The following LRRFIP1 variants were observed in gnomAD, a reference collection of about 807,000 sequenced individuals.
The protein encoded by LRRFIP1 is leucine-rich repeat flightless-interacting protein 1.
LRRFIP1 carries 62 observed loss-of-function variants against 104.4 expected under a neutral mutation model. The observed-to-expected ratio is 0.59, with a 90% CI of 0.48 to 0.73. The LOEUF is 0.73. Ranked by LOEUF, LRRFIP1 falls within the 30% of genes least tolerant of loss-of-function variation. The probability of loss-of-function intolerance (pLI) is 0.00; values close to 1 mark genes in which losing one functional copy is unlikely to be tolerated. For missense variants in LRRFIP1, 796 were observed against 824.5 expected (o/e 0.97, Z 0.42); for synonymous variants, 300 against 299.0 (o/e 1.00, Z -0.03).
At chr2:237,645,907 CG>C (rs1261874770) in intron 1 of LRRFIP1, among the ~76,000 whole-genome samples, 2 of 151,382 alleles carry the variant, frequency 1.3e-5, no homozygotes, top group Non-Finnish European at 2.9e-5. Context: ...TTCTAGGGAG[CG>C]CTGCAAATGG....
rs1160434431 is a variant in LRRFIP1, at chr2:237,749,239, C to A, written c.710C>A (p.Ala237Asp). The change falls in exon 13 of 24, where the codon GCC becomes GAC. Residue 237 changes from alanine to aspartate, a missense_variant. Transcript: ENST00000308482. ...CCGGGCCTGTCTGCAGCCACGCTGG[C>A]CTCTCTGGGTGGGACTTCCTCTCGG... is the stretch of plus-strand genomic sequence containing the variant. ...NMPGLSAATL[A>D]SLGGTSSRRG... 1 of 1,613,824 alleles carries A rather than the reference C, an allele frequency of 6.2e-7. No homozygotes were observed. Among genetic ancestry groups the A allele is most frequent in the African/African-American group, 1.3e-5 (1 of 74,892 alleles).
At chr2:237,655,662 G>A (rs1016339016) in intron 1 of LRRFIP1, among the ~76,000 whole-genome samples, 2 of 152,190 alleles carry the variant, frequency 1.3e-5, no homozygotes, top group Non-Finnish European at 1.5e-5. Flanking sequence ...TGCTCGTTTT[G>A]TGATTGGATA....
chr2:237,628,981 G>A lies in LRRFIP1; in HGVS notation c.96+1241G>A, dbSNP rs2081972795. Among the ~76,000 whole-genome samples, 4 of 152,186 alleles carry A rather than the reference G, an allele frequency of 2.6e-5. No homozygotes were observed. In the South Asian group the frequency reaches 8.3e-4, roughly 32 times the overall value. On this transcript the variant is annotated intron_variant, in intron 1 of 23. Transcript: ENST00000308482. ...ACTGTGACCTCCAGGAGACCTTCCAGACTCAGCCCTCTCACATCGCACCAG... is the reference window on the plus strand; with the variant it reads ...ACTGTGACCTCCAGGAGACCTTCCAAACTCAGCCCTCTCACATCGCACCAG...
At position 237,685,621 on chromosome 2, in the gene LRRFIP1, G is replaced by A. The variant is rs574871426; in HGVS notation, c.97-22923G>A. On this transcript the variant is annotated intron_variant, in intron 1 of 23. Transcript: ENST00000308482. Reference sequence around the variant, plus strand: ...CCTCATTCCCATGGAGCTCACAATCGGATCAAATCCTGAGTCAGTACAAGA... The same window carrying A: ...CCTCATTCCCATGGAGCTCACAATCAGATCAAATCCTGAGTCAGTACAAGA... Among the ~76,000 whole-genome samples, 6 of 151,996 alleles carry A rather than the reference G, an allele frequency of 3.9e-5. No homozygotes were observed. In the South Asian group the frequency reaches 8.3e-4, roughly 21 times the overall value.
intron 21 of LRRFIP1, 104 bp downstream of exon 21, chr2:237,772,302 C>A: frequency 1.2e-6 from 1 of 808,088 alleles, no homozygotes; most frequent in South Asian, 1.6e-5. Flanking sequence ...CCCTCATTCC[C>A]TCACATCCCC....
intron 2 of LRRFIP1, among the ~76,000 whole-genome samples, chr2:237,714,057 A>G (rs2094223243): frequency 6.6e-6 from 1 of 152,218 alleles, no homozygotes; most frequent in African/African-American, 2.4e-5. Context: ...TATTTCCCCA[A>G]TGTATCTAAA....
At position 237,735,644 on chromosome 2, in the gene LRRFIP1, A is replaced by C; in HGVS notation, c.555+311A>C. On this transcript the variant is annotated intron_variant, in intron 10 of 23. Coordinates refer to ENST00000308482, the MANE Select transcript of LRRFIP1 (RefSeq NM_001137550.2). This position sits in a 1 kb window ranked among gnomAD's most constrained non-coding sequence, Gnocchi z 4.6. ...CGTCTTCGGTTAATAAAAACGGGAA[A>C]AGGACAACTTGACAGACCACACATC... is the stretch of plus-strand genomic sequence containing the variant. 1 of 299,850 alleles carries C rather than the reference A, an allele frequency of 3.3e-6. No homozygotes were observed. The highest frequency in any genetic ancestry group is 6.2e-6 in the Non-Finnish European group (1 of 160,704). 18.6% of individuals were successfully genotyped at this position (299,850 alleles called of 1,614,324 possible). A position where few individuals can be genotyped will look rare whatever the true frequency, so the allele number is the denominator to read the frequency against.
intron 7 of LRRFIP1, among the ~76,000 whole-genome samples, chr2:237,726,564 G>T (rs2094759006): frequency 6.6e-6 from 1 of 152,186 alleles, no homozygotes; most frequent in African/African-American, 2.4e-5. Context: ...CGATGGCTTT[G>T]TAATGTATTT....
At chr2:237,677,556 T>A (rs962741036) in intron 1 of LRRFIP1, among the ~76,000 whole-genome samples, 12 of 152,052 alleles carry the variant, frequency 7.9e-5, no homozygotes, top group Non-Finnish European at 1.5e-4. Context: ...CTTTGAGAGG[T>A]CAAGGCAGGA....
intron 10 of LRRFIP1, 81 bp from the exon 11 acceptor site, chr2:237,739,151 C>T (rs983882032): frequency 3.8e-5 from 47 of 1,249,728 alleles, no homozygotes; most frequent in Admixed American, 3.0e-4. Context: ...TGTTTTCTGT[C>T]GGCCTCTATT....
rs2059702530 is a variant in LRRFIP1 at position 237,760,095 on chromosome 2, C to T, written c.1349C>T (p.Ala450Val). ...KHGIILNSEI[A>V]TNGETSDTLN... ...GGAATAATCCTAAATTCAGAAATAG[C>T]TACCAATGGAGAGACTTCCGACACC... The change falls in exon 19 of 24, where the codon GCT becomes GTT. Residue 450 changes from alanine (A) to valine (V), a missense_variant. Ala to Val is a moderately conservative substitution (Grantham distance 64). Transcript: ENST00000308482. 1.2e-6 allele frequency: 2 copies of T among 1,613,726 alleles called. No individual in the cohort carries two copies. Among genetic ancestry groups the T allele is most frequent in the South Asian group, 1.1e-5 (1 of 91,076 alleles).
At chr2:237,705,498 CA>C (rs540196716) in intron 1 of LRRFIP1, among the ~76,000 whole-genome samples, 174 of 151,838 alleles carry the variant, frequency 1.1e-3, no homozygotes, top group African/African-American at 4.1e-3. Context: ...CCTGTCTGTA[CA>C]AAAAAATACA....
chr2:237,751,266 A>G lies in LRRFIP1; in HGVS notation c.862A>G (p.Met288Val). The change falls in exon 14 of 24, where the codon ATG (methionine) becomes GTG (valine). Residue 288 changes from methionine (M) to valine (V), a missense_variant. Transcript: ENST00000308482. Reference sequence around the variant, plus strand: ...CAAATACATGCAGGGATTGAAAGAGATGAAGGTACCAATTCACAGACGTGT... The same window carrying G: ...CAAATACATGCAGGGATTGAAAGAGGTGAAGGTACCAATTCACAGACGTGT... ...EGKYMQGLKE[M>V]KDSLAEVEEK... 4.4e-6 allele frequency: 7 copies of G among 1,607,278 alleles called. No homozygotes were observed. Among genetic ancestry groups the G allele is most frequent in the Non-Finnish European group, 5.9e-6 (7 of 1,176,540 alleles).
At position 237,738,326 on chromosome 2, in the gene LRRFIP1, C is replaced by A. The variant is rs1483576522; in HGVS notation, c.556-906C>A. Reference sequence around the variant, plus strand: ...GCTTCCTTATAATTCGCAAGCAGGGCACTTCGGCAGGTCCCCAGCAGAGCC... The same window carrying A: ...GCTTCCTTATAATTCGCAAGCAGGGAACTTCGGCAGGTCCCCAGCAGAGCC... On this transcript the variant is annotated intron_variant, in intron 10 of 23. Transcript: ENST00000308482. Among the ~76,000 whole-genome samples, 7 of 152,120 alleles carry A rather than the reference C, an allele frequency of 4.6e-5. No individual in the cohort carries two copies. In the East Asian group the frequency reaches 1.2e-3, roughly 25 times the overall value.
At chr2:237,692,398 G>C (rs1055368536) in intron 1 of LRRFIP1, 40 of 1,424,288 alleles carry the variant, frequency 2.8e-5, no homozygotes, top group Non-Finnish European at 3.6e-5. Context: ...CCCGCGAGGG[G>C]CTCCCGGCGC....
intron 1 of LRRFIP1, among the ~76,000 whole-genome samples, chr2:237,635,299 G>T (rs1001238369): frequency 6.6e-6 from 1 of 152,144 alleles, no homozygotes; most frequent in Non-Finnish European, 1.5e-5. Context: ...AGTAAGTATT[G>T]TTAATTGGAA....
At position 237,733,894 on chromosome 2, in the gene LRRFIP1, G is replaced by T. The variant is rs772141798; in HGVS notation, c.489+76G>T. Reference sequence around the variant, plus strand: ...CACCGCCCCCACCAAGCCCAGAGCCGGGGATGTGCCTGTTCCCAGCCCCCT... The same window carrying T: ...CACCGCCCCCACCAAGCCCAGAGCCTGGGATGTGCCTGTTCCCAGCCCCCT... On this transcript the variant is annotated intron_variant, in intron 9 of 23. Transcript: ENST00000308482. The T allele has an allele frequency of 2.7e-6, 4 of 1,500,456 alleles. No homozygotes were observed. The African/African-American group carries it at 5.5e-5, about 21-fold the overall frequency. 92.9% of individuals were successfully genotyped at this position (1,500,456 alleles called of 1,614,324 possible).
chr2:237,694,287 C>G (rs1015063726), intron 1 of LRRFIP1, among the ~76,000 whole-genome samples: 1 of 152,216 alleles, frequency 6.6e-6, no homozygotes, highest in Non-Finnish European at 1.5e-5. Context: ...AATTCTGAAT[C>G]ATGGCCCCAA....
At chr2:237,654,563 T>G (rs1284075632) in intron 1 of LRRFIP1, among the ~76,000 whole-genome samples, 1 of 152,088 alleles carries the variant, frequency 6.6e-6, no homozygotes, top group East Asian at 1.9e-4. Flanking sequence ...CCTTTTTTTT[T>G]TTTTTGAGAC....
Sources: allele counts gnomAD v4.1 joint callset (sites outside exome capture counted in the v4.1 genomes callset), GRCh38; gene constraint gnomAD v4.1.1; non-coding constraint Gnocchi (gnomAD v3.1); transcripts MANE v1.5; gene names NCBI Gene and HGNC (gene_info 2026-07-23, HGNC 2026-07-21).